The following EDA variants were observed in gnomAD, a reference collection of about 807,000 sequenced individuals.
The protein encoded by EDA is ectodysplasin A.
In EDA, 2 loss-of-function variants were observed where a neutral mutation model predicts 23.6. The ratio of observed to expected loss-of-function variants is 0.08; its 90% confidence interval spans 0.03 to 0.27. The LOEUF is 0.27. Ranked by LOEUF, EDA falls within the 10% of genes least tolerant of loss-of-function variation. The probability of loss-of-function intolerance (pLI) is 1.00; values close to 1 mark genes in which losing one functional copy is unlikely to be tolerated. For missense variants in EDA, 229 were observed against 324.2 expected (o/e 0.71, Z 2.26); for synonymous variants, 131 against 132.0 (o/e 0.99, Z 0.05).
chrX:69,639,937 T>C (rs950589296), intron 1 of EDA, among the ~76,000 whole-genome samples: 5 of 112,068 alleles, frequency 4.5e-5, no homozygotes, highest in African/African-American at 1.6e-4. Flanking sequence ...TTGTATATGG[T>C]ATAAGATAAA....
chrX:69,706,411 A>G (rs2011724639), intron 1 of EDA, among the ~76,000 whole-genome samples: 1 of 112,171 alleles, frequency 8.9e-6, no homozygotes, highest in Admixed American at 9.5e-5. Flanking sequence ...ATCGATGAAA[A>G]GTGTCAAACT....
At chrX:69,707,076 C>T (rs1264943843) in intron 1 of EDA, among the ~76,000 whole-genome samples, 7 of 111,675 alleles carry the variant, frequency 6.3e-5, no homozygotes, top group African/African-American at 2.3e-4. Flanking sequence ...TTTTCTCTCT[C>T]CAAAGATCAT....
chrX:69,640,511 G>A (rs1430537021), intron 1 of EDA, among the ~76,000 whole-genome samples: 2 of 111,046 alleles, frequency 1.8e-5, no homozygotes, highest in East Asian at 5.7e-4. Flanking sequence ...TTTGGTATGG[G>A]TATGGAGTTA....
chrX:69,961,690 T>G (rs1028771350), intron 2 of EDA, among the ~76,000 whole-genome samples: 2 of 112,430 alleles, frequency 1.8e-5, no homozygotes, highest in African/African-American at 6.5e-5. Flanking sequence ...AGAAAAGAAG[T>G]GAATTTCGTT....
At chrX:69,966,023 G>A (rs180897250) in intron 2 of EDA, among the ~76,000 whole-genome samples, 1 of 111,328 alleles carries the variant, frequency 9.0e-6, no homozygotes, top group Admixed American at 9.6e-5. Context: ...CTCCAGCCTG[G>A]GTGACAGTAC....
At chrX:69,741,757 T>C (rs1250847945) in intron 1 of EDA, among the ~76,000 whole-genome samples, 1 of 112,086 alleles carries the variant, frequency 8.9e-6, no homozygotes, top group Non-Finnish European at 1.9e-5. Context: ...GCATGTGTCT[T>C]TCCCTGATTC....
At chrX:69,782,919 G>A (rs2014998708) in intron 1 of EDA, among the ~76,000 whole-genome samples, 1 of 111,801 alleles carries the variant, frequency 8.9e-6, no homozygotes, top group African/African-American at 3.2e-5. Context: ...TTGTACTGCA[G>A]GATTACTACT....
At chrX:69,830,231 A>T (rs1020150038) in intron 1 of EDA, among the ~76,000 whole-genome samples, 3 of 112,006 alleles carry the variant, frequency 2.7e-5, no homozygotes, top group Non-Finnish European at 5.6e-5. Flanking sequence ...TCTTAAATTT[A>T]CTGAAAATTT....
intron 1 of EDA, among the ~76,000 whole-genome samples, chrX:69,714,181 C>T (rs2012214758): frequency 9.0e-6 from 1 of 110,923 alleles, no homozygotes; most frequent in Non-Finnish European, 1.9e-5. Flanking sequence ...TATTGAACAT[C>T]TTTTCATGTA....
At chrX:69,926,842 G>A (rs1328828693) in intron 1 of EDA, among the ~76,000 whole-genome samples, 1 of 112,010 alleles carries the variant, frequency 8.9e-6, no homozygotes, top group Non-Finnish European at 1.9e-5. Flanking sequence ...GGGTACTCCT[G>A]TATTGGGTGC....
At chrX:69,914,306 C>T (rs1372757119) in intron 1 of EDA, among the ~76,000 whole-genome samples, 2 of 111,488 alleles carry the variant, frequency 1.8e-5, no homozygotes, top group Non-Finnish European at 3.8e-5. Context: ...GTGGAGCCAT[C>T]CTGTAATATA....
chrX:69,746,054 C>T (rs2013609523), intron 1 of EDA, among the ~76,000 whole-genome samples: 2 of 111,293 alleles, frequency 1.8e-5, no homozygotes, highest in Non-Finnish European at 3.8e-5. Flanking sequence ...GCCTTCCTCT[C>T]TTCCCCTCCT....
intron 1 of EDA, among the ~76,000 whole-genome samples, chrX:69,757,501 T>G (rs780797516): frequency 8.9e-6 from 1 of 112,405 alleles, no homozygotes; most frequent in East Asian, 2.8e-4. Flanking sequence ...AAGTAAAAGT[T>G]ATCATCTGGT....
At chrX:69,754,032 G>T (rs549511724) in intron 1 of EDA, among the ~76,000 whole-genome samples, 2 of 110,746 alleles carry the variant, frequency 1.8e-5, no homozygotes, top group Admixed American at 1.9e-4. Context: ...TCCAATTTGC[G>T]TCTGTGTCTT....
chrX:69,755,936 T>G (rs1392653634), intron 1 of EDA, among the ~76,000 whole-genome samples: 2 of 111,479 alleles, frequency 1.8e-5, no homozygotes, highest in Non-Finnish European at 3.8e-5. Context: ...GAGTGGGGAG[T>G]GTCCCAATTT....
chrX:69,718,646 C>T (rs1357199488), intron 1 of EDA, among the ~76,000 whole-genome samples: 1 of 111,244 alleles, frequency 9.0e-6, no homozygotes, highest in Non-Finnish European at 1.9e-5. Context: ...GAATAAACCC[C>T]ACTTGTTCAT....
At chrX:69,865,943 A>G (rs750024045) in intron 1 of EDA, among the ~76,000 whole-genome samples, 20 of 112,660 alleles carry the variant, frequency 1.8e-4, no homozygotes, top group Non-Finnish European at 3.0e-4. Context: ...TAGTACAAGT[A>G]TATAAATGCA....
At chrX:70,002,853 A>G (rs1485541036) in intron 2 of EDA, among the ~76,000 whole-genome samples, 2 of 112,057 alleles carry the variant, frequency 1.8e-5, no homozygotes, top group Non-Finnish European at 3.8e-5. Context: ...GATTAGGGCA[A>G]TGTTAGAGAG....
At chrX:70,021,301 A>G (rs1049168402) in intron 2 of EDA, among the ~76,000 whole-genome samples, 4 of 112,033 alleles carry the variant, frequency 3.6e-5, no homozygotes, top group Non-Finnish European at 7.5e-5. Context: ...GAAGTCTGAT[A>G]TAACAGTGCT....
Sources: gnomAD v4.1 joint callset for allele counts (sites outside exome capture counted in the v4.1 genomes callset) on GRCh38, gnomAD v4.1.1 for gene constraint, MANE v1.5 for transcripts, NCBI Gene and HGNC (gene_info 2026-07-23, HGNC 2026-07-21) for gene names.